Variants in CCDC27 observed in about 807,000 individuals in gnomAD.
CCDC27 encodes the protein coiled-coil domain-containing protein 27.
Under a neutral mutation model 80.3 loss-of-function variants are expected in CCDC27, and 80 were observed. The observed-to-expected ratio is 1.00, with a 90% CI of 0.83 to 1.20. CCDC27 has a LOEUF of 1.20. CCDC27 is among the 50% of genes most tolerant of loss of function. The pLI is 0.00. For synonymous variants in CCDC27, 342 were observed against 334.3 expected (o/e 1.02, Z -0.25); for missense variants, 815 against 809.4 (o/e 1.01, Z -0.08).
intron 4 of CCDC27, 107 bp downstream of exon 4, chr1:3,756,997 C>T (rs1189615568): frequency 9.7e-6 from 13 of 1,342,192 alleles, no homozygotes; most frequent in Non-Finnish European, 1.3e-5. Flanking sequence ...ATCTGGTTAG[C>T]TGCATCAAGC....
In CCDC27 at chr1:3,752,714, C is replaced by A. The variant is rs748973230; in HGVS notation, c.233C>A (p.Ala78Asp). The A allele has an allele frequency of 1.2e-6, 2 of 1,613,872 alleles. No homozygotes were observed. The highest frequency in any genetic ancestry group is 2.2e-5 in the East Asian group (1 of 44,886). Residue 78 changes from alanine (A) to aspartate (D), a missense_variant, in exon 1 of 12, where the codon GCC becomes GAC. Transcript: ENST00000294600. ...VLLQSMASRDARCPEWKPHQK... is the reference protein window; with the variant it reads ...VLLQSMASRDDRCPEWKPHQK... The stretch of plus-strand genomic sequence containing the variant: ...CTCCAGAGCATGGCCAGCCGGGACG[C>A]CCGGTGCCCAGAATGGAAACCGCAC...
intron 1 of CCDC27, among the ~76,000 whole-genome samples, chr1:3,753,632 G>T (rs755514097): frequency 6.6e-6 from 1 of 152,298 alleles, no homozygotes; most frequent in African/African-American, 2.4e-5. Flanking sequence ...CACCATGCCC[G>T]GCTGGACTAT....
At position 3,762,654 on chromosome 1, in the gene CCDC27, G is replaced by T; in HGVS notation, c.896G>T (p.Arg299Met). 6.4e-7 allele frequency: 1 copy of T among 1,550,398 alleles called. No individual in the cohort carries two copies. Among genetic ancestry groups the T allele is most frequent in the South Asian group, 1.2e-5 (1 of 84,018 alleles). Residue 299 changes from arginine (R) to methionine (M), a missense_variant, in exon 6 of 12, where the codon AGG (arginine) becomes ATG (methionine). By Grantham distance (91) the Arg-to-Met change is moderately conservative. Coordinates refer to ENST00000294600, the MANE Select transcript of CCDC27 (RefSeq NM_152492.3). ...TCAGACGCTTCGCTGAAGCTGGGCA[G>T]GCTGAGCCTCCTGAAGGCCTTCTCC... Reference protein sequence around the residue: ...QLSDASLKLGRLSLLKAFSRH... With the variant: ...QLSDASLKLGMLSLLKAFSRH...
chr1:3,762,249 G>T (rs1643104944), intron 5 of CCDC27, among the ~76,000 whole-genome samples: 1 of 152,206 alleles, frequency 6.6e-6, no homozygotes, highest in South Asian at 2.1e-4. Context: ...AGGGAAAGGT[G>T]GCCAGCCGGC....
At chr1:3,764,056 C>T (rs924939957) in intron 8 of CCDC27, among the ~76,000 whole-genome samples, 1 of 152,180 alleles carries the variant, frequency 6.6e-6, no homozygotes, top group East Asian at 1.9e-4. Flanking sequence ...CCAGCCACAG[C>T]TCTGCCCTGT....
rs71580220 is a variant in CCDC27 at position 3,753,320 on chromosome 1, CTTTTTTT to C, written c.318+535_318+541del. On this transcript the variant is annotated intron_variant, in intron 1 of 11. Coordinates refer to ENST00000294600, the MANE Select transcript of CCDC27 (RefSeq NM_152492.3). ...GACTATGGTTTCTTTTTTTCTTTTT[CTTTTTTT>C]TTTTTTTTTTTTTGAGACGGAGTTT... Among the ~76,000 whole-genome samples the C allele has an allele frequency of 4.6e-3, 439 of 94,994 alleles. 6 individuals are homozygous for C. The highest frequency in any genetic ancestry group is 9.9e-3 in the East Asian group (43 of 4,364). 62.3% of individuals were successfully genotyped at this position (94,994 alleles called of 152,430 possible). A position where few individuals can be genotyped will look rare whatever the true frequency, so the allele number is the denominator to read the frequency against.
intron 6 of CCDC27, 58 bp downstream of exon 6, chr1:3,762,770 A>G: frequency 6.9e-7 from 1 of 1,448,852 alleles, no homozygotes; most frequent in Non-Finnish European, 9.4e-7. Context: ...GGAGCCACCT[A>G]GGCTGCTTAA....
At chr1:3,755,915 A>G (rs1194249131) in intron 3 of CCDC27, 1 of 235,540 alleles carries the variant, frequency 4.2e-6, no homozygotes, top group Admixed American at 4.7e-5. Flanking sequence ...GCCTGTTTCC[A>G]TTTACCAAGA....
chr1:3,756,709 A>C, intron 3 of CCDC27, 24 bp from the exon 4 acceptor site: 3 of 1,612,442 alleles, frequency 1.9e-6, no homozygotes, highest in Non-Finnish European at 2.5e-6. Context: ...CTCATTTCTC[A>C]CTTGGCCTCC....
At chr1:3,753,817 T>C (rs1642881580) in intron 1 of CCDC27, among the ~76,000 whole-genome samples, 1 of 151,800 alleles carries the variant, frequency 6.6e-6, no homozygotes, top group Non-Finnish European at 1.5e-5. Context: ...GGCCTGTCTG[T>C]GAATCTCAGC....
chr1:3,765,870 CTT>C (rs57502840), intron 8 of CCDC27, among the ~76,000 whole-genome samples: 19,492 of 144,030 alleles, frequency 0.14, 1,406 homozygotes, highest in African/African-American at 0.21. Context: ...TTCTTTTCTC[CTT>C]TTTTTTTTTT....
intron 4 of CCDC27, among the ~76,000 whole-genome samples, chr1:3,758,278 T>C (rs1453872414): frequency 2.0e-5 from 3 of 150,352 alleles, no homozygotes; most frequent in African/African-American, 7.4e-5. Context: ...CACCTCTGCC[T>C]CCCGGGTTCA....
chr1:3,763,669 G>C lies in CCDC27; in HGVS notation c.1322-37G>C, dbSNP rs1017134584. 6.2e-7 allele frequency: 1 copy of C among 1,612,786 alleles called. No homozygotes were observed. Among genetic ancestry groups the C allele is most frequent in the Non-Finnish European group, 8.5e-7 (1 of 1,179,006 alleles). The stretch of plus-strand genomic sequence containing the variant: ...TCTCCTTCTGTCCCTCACTGCCCCT[G>C]CTTGCTCCTGCTCACCGCCTCTGCC... On this transcript the variant is annotated intron_variant, in intron 7 of 11. Coordinates refer to ENST00000294600, the MANE Select transcript of CCDC27 (RefSeq NM_152492.3). The surrounding 1 kb of genome is among the most constrained non-coding windows in gnomAD (Gnocchi z 7.5).
chr1:3,753,985 AT>A, intron 1 of CCDC27, 132 bp from the exon 2 acceptor site: 1 of 1,289,124 alleles, frequency 7.8e-7, no homozygotes, highest in Non-Finnish European at 1.1e-6. Flanking sequence ...TGGGGTCTGC[AT>A]CTACATACGA....
At chr1:3,753,212 T>C (rs1177668227) in intron 1 of CCDC27, among the ~76,000 whole-genome samples, 2 of 152,114 alleles carry the variant, frequency 1.3e-5, no homozygotes, top group African/African-American at 4.8e-5. Context: ...AGGTACGCTG[T>C]GCCACCGTGT....
Position 3,766,656 on chromosome 1 carries a change from C to G in CCDC27, c.1530+44C>G. 2.0e-6 allele frequency: 3 copies of G among 1,532,220 alleles called. No homozygotes were observed. In the South Asian group the frequency reaches 3.4e-5, roughly 17 times the overall value. 94.9% of individuals were successfully genotyped at this position (1,532,220 alleles called of 1,614,324 possible). ...TTAAATGATCAGCCAGGCCACTGTT[C>G]TTACTGTAAGTCCCAACACAGCAAA... is the stretch of plus-strand genomic sequence containing the variant. On this transcript the variant is annotated intron_variant, in intron 9 of 11. Coordinates refer to ENST00000294600, the MANE Select transcript of CCDC27 (RefSeq NM_152492.3). This position sits in a 1 kb window ranked among gnomAD's most constrained non-coding sequence, Gnocchi z 6.1.
chr1:3,764,821 A>C (rs1419839762), intron 8 of CCDC27, among the ~76,000 whole-genome samples: 2 of 152,192 alleles, frequency 1.3e-5, no homozygotes, highest in Non-Finnish European at 2.9e-5. Context: ...GGATCACCTC[A>C]GGTCAGGAGT....
intron 8 of CCDC27, among the ~76,000 whole-genome samples, chr1:3,765,030 C>G (rs1486780631): frequency 1.0e-5 from 1 of 98,054 alleles, no homozygotes; most frequent in Non-Finnish European, 1.9e-5. Flanking sequence ...AGCAAAACTC[C>G]ATCTCAAAAA....
rs936397108 is a variant in CCDC27 at position 3,755,640 on chromosome 1, G to T, written c.553+73G>T. On this transcript the variant is annotated intron_variant, in intron 3 of 11. Coordinates refer to ENST00000294600, the MANE Select transcript of CCDC27 (RefSeq NM_152492.3). ...CTCGAGGCCTGCTTCTTGCAGGGTC[G>T]CTGCTTGTGCCCTGCGGAATTCCCT... 4 of 1,258,900 alleles carry T rather than the reference G, an allele frequency of 3.2e-6. No homozygotes were observed. In the African/African-American group the frequency reaches 4.4e-5, roughly 14 times the overall value. The allele number at this position is 1,258,900 out of a possible 1,614,324, so 78.0% of individuals were successfully genotyped here.
Sources: allele counts gnomAD v4.1 joint callset (sites outside exome capture counted in the v4.1 genomes callset), GRCh38; gene constraint gnomAD v4.1.1; non-coding constraint Gnocchi (gnomAD v3.1); transcripts MANE v1.5; gene names NCBI Gene and HGNC (gene_info 2026-07-23, HGNC 2026-07-21).